Variants in DDX6 observed in about 807,000 individuals in gnomAD.
DDX6 encodes the protein DEAD-box helicase 6, also known as probable ATP-dependent RNA helicase DDX6.
DDX6 carries 7 observed loss-of-function variants against 60.6 expected under a neutral mutation model. The ratio of observed to expected loss-of-function variants is 0.12; its 90% CI spans 0.07 to 0.22. The LOEUF is 0.22. Ranked by LOEUF, DDX6 falls within the 10% of genes least tolerant of loss-of-function variation. DDX6 has a pLI of 1.00. For missense variants in DDX6, 270 were observed against 589.9 expected (o/e 0.46, Z 5.62); for synonymous variants, 207 against 201.0 (o/e 1.03, Z -0.25).
At chr11:118,764,128 C>T (rs1205138936) in intron 6 of DDX6, among the ~76,000 whole-genome samples, 2 of 151,992 alleles carry the variant, frequency 1.3e-5, no homozygotes, top group African/African-American at 2.4e-5. Flanking sequence ...AGCAGTGAGC[C>T]GAGTATTGTT....
At chr11:118,779,916 G>C (rs1228063346) in intron 3 of DDX6, among the ~76,000 whole-genome samples, 180 bp from the exon 4 acceptor site, 1 of 151,982 alleles carries the variant, frequency 6.6e-6, no homozygotes, top group African/African-American at 2.4e-5. Context: ...AGAAGTTCAA[G>C]ACCAGCCTAG....
chr11:118,762,428 C>G (rs1427000046), intron 7 of DDX6, among the ~76,000 whole-genome samples: 6 of 152,012 alleles, frequency 3.9e-5, no homozygotes, highest in Non-Finnish European at 7.4e-5. Context: ...AAAATATTAC[C>G]CAAACCTACT....
chr11:118,774,121 T>TA (rs752871372), intron 4 of DDX6, among the ~76,000 whole-genome samples: 64 of 152,260 alleles, frequency 4.2e-4, no homozygotes, highest in Non-Finnish European at 9.0e-4. Context: ...TTCACCTTCT[T>TA]AGAGTTTCGA....
intron 2 of DDX6, among the ~76,000 whole-genome samples, chr11:118,781,487 A>T (rs1435396990): frequency 6.6e-6 from 1 of 152,190 alleles, no homozygotes; most frequent in Non-Finnish European, 1.5e-5. Flanking sequence ...AATTTAAATG[A>T]GTTTAAATTA....
At chr11:118,767,305 T>C (rs999009423) in intron 5 of DDX6, among the ~76,000 whole-genome samples, 12 of 152,156 alleles carry the variant, frequency 7.9e-5, no homozygotes, top group Non-Finnish European at 1.3e-4. Flanking sequence ...CTGTGTAAAA[T>C]ACCTAGGTAG....
intron 2 of DDX6, among the ~76,000 whole-genome samples, chr11:118,785,199 A>T (rs1862034284): frequency 6.6e-6 from 1 of 152,228 alleles, no homozygotes. Context: ...TGCACTTAAA[A>T]GTAACAAATA....
intron 7 of DDX6, 122 bp downstream of exon 7, chr11:118,763,090 A>C: frequency 1.6e-6 from 1 of 622,354 alleles, no homozygotes; most frequent in Non-Finnish European, 2.7e-6. Context: ...AATTAATTTA[A>C]ACTGATTGTT....
At chr11:118,760,588 C>T (rs180751423) in intron 7 of DDX6, among the ~76,000 whole-genome samples, 123 of 151,882 alleles carry the variant, frequency 8.1e-4, no homozygotes, top group African/African-American at 2.8e-3. Flanking sequence ...TTTGGGAGGC[C>T]GAGGCGGGAG....
chr11:118,753,369 T>C (rs532457143), intron 13 of DDX6, among the ~76,000 whole-genome samples: 116 of 118,860 alleles, frequency 9.8e-4, no homozygotes, highest in African/African-American at 3.6e-3. Flanking sequence ...AGATGGAGTC[T>C]AGCTTTGTCA....
At chr11:118,765,458 C>A (rs1313051866) in intron 5 of DDX6, 103 bp from the exon 6 acceptor site, 1 of 1,204,606 alleles carries the variant, frequency 8.3e-7, no homozygotes, top group Non-Finnish European at 1.2e-6. Context: ...AAATACTGCG[C>A]CTTATGATGC....
intron 9 of DDX6, among the ~76,000 whole-genome samples, 198 bp downstream of exon 9, chr11:118,758,576 T>C (rs1861057015): frequency 6.6e-6 from 1 of 152,192 alleles, no homozygotes; most frequent in African/African-American, 2.4e-5. Context: ...TTTCACCATG[T>C]TGGCCAGGCT....
At chr11:118,784,118 TAA>T (rs1294074028) in intron 2 of DDX6, among the ~76,000 whole-genome samples, 1 of 151,070 alleles carries the variant, frequency 6.6e-6, no homozygotes, top group East Asian at 2.0e-4. Flanking sequence ...TAAAAAAAAT[TAA>T]AAATAGTCTA....
chr11:118,783,247 T>C (rs1377440921), intron 2 of DDX6, among the ~76,000 whole-genome samples: 1 of 152,014 alleles, frequency 6.6e-6, no homozygotes, highest in Non-Finnish European at 1.5e-5. Flanking sequence ...AAAAGAAAAA[T>C]CAAAATCCAC....
At position 118,786,477 on chromosome 11, in the gene DDX6, C is replaced by G; in HGVS notation, c.-226G>C. The G allele has an allele frequency of 2.8e-6, 1 of 356,384 alleles. No homozygotes were observed. Among genetic ancestry groups the G allele is most frequent in the East Asian group, 4.1e-5 (1 of 24,340 alleles). The allele number at this position is 356,384 out of a possible 1,614,324, so 22.1% of individuals were successfully genotyped here. On this transcript the variant is annotated 5_prime_UTR_variant, in exon 2 of 14. Coordinates refer to ENST00000534980, the MANE Select transcript of DDX6 (RefSeq NM_004397.6). ...ATCAACTTTTTATTTTTAAAAAGCC[C>G]TCTAACAAGCTTGAGTTATATCTGA...
chr11:118,756,036 A>C (rs1223307634), intron 11 of DDX6, among the ~76,000 whole-genome samples: 2 of 128,048 alleles, frequency 1.6e-5, no homozygotes. Flanking sequence ...CCCCAAAAAA[A>C]AGACAGAGAT....
At chr11:118,755,535 C>T in intron 11 of DDX6, 32 bp from the exon 12 acceptor site, 2 of 1,281,422 alleles carry the variant, frequency 1.6e-6, no homozygotes, top group Non-Finnish European at 2.3e-6. Flanking sequence ...TTCATTTTTT[C>T]AATTTAGAAA....
Position 118,760,823 on chromosome 11 carries a change from C to CAA in DDX6, c.742-781_742-780dup, listed in dbSNP as rs544626778. ...GCGACAGGGCGAGACTACTCCGTCT[C>CAA]AAAAAAAAAAAAAAAAAAAAAGTAA... is the stretch of plus-strand genomic sequence containing the variant. On this transcript the variant is annotated intron_variant, in intron 7 of 13. Coordinates refer to ENST00000534980, the MANE Select transcript of DDX6 (RefSeq NM_004397.6). Among the ~76,000 whole-genome samples, 259 of 56,436 alleles carry CAA rather than the reference C, an allele frequency of 4.6e-3. 2 individuals are homozygous for CAA. The highest frequency in any genetic ancestry group is 0.011 in the East Asian group (23 of 2,022). 37.0% of individuals were successfully genotyped at this position (56,436 alleles called of 152,430 possible).
Position 118,756,019 on chromosome 11 carries a change from C to A in DDX6, c.1174+241G>T, listed in dbSNP as rs1475332177. On this transcript the variant is annotated intron_variant, in intron 11 of 13. Coordinates refer to ENST00000534980, the MANE Select transcript of DDX6 (RefSeq NM_004397.6). ...GGTGACAAAGATTCCATCCCCCTCCCCCCCCCCCCCAAAAAAAAGACAGAG... is the reference window on the plus strand; with the variant it reads ...GGTGACAAAGATTCCATCCCCCTCCACCCCCCCCCCAAAAAAAAGACAGAG... Among the ~76,000 whole-genome samples the A allele has an allele frequency of 4.6e-4, 18 of 38,994 alleles. 1 individual carries two copies. The highest frequency in any genetic ancestry group is 5.9e-4 in the Non-Finnish European group (10 of 16,904). 25.6% of individuals were successfully genotyped at this position (38,994 alleles called of 152,430 possible). A position where few individuals can be genotyped will look rare whatever the true frequency, so the allele number is the denominator to read the frequency against.
At chr11:118,779,989 G>A (rs1208137000) in intron 3 of DDX6, among the ~76,000 whole-genome samples, 1 of 151,616 alleles carries the variant, frequency 6.6e-6, no homozygotes, top group Non-Finnish European at 1.5e-5. Context: ...GGTGGTGCAC[G>A]CCTGTAGTCG....
Sources: gnomAD v4.1 joint callset for allele counts (sites outside exome capture counted in the v4.1 genomes callset) on GRCh38, gnomAD v4.1.1 for gene constraint, MANE v1.5 for transcripts, NCBI Gene and HGNC (gene_info 2026-07-23, HGNC 2026-07-21) for gene names.